The following PTPRT variants were observed in gnomAD, a reference collection of about 807,000 sequenced individuals.
PTPRT encodes protein tyrosine phosphatase receptor type T, also known as receptor-type tyrosine-protein phosphatase T.
A neutral mutation model predicts 176.8 loss-of-function variants in PTPRT; 56 were observed. The ratio of observed to expected loss-of-function variants is 0.32; its 90% CI spans 0.26 to 0.40. The LOEUF is 0.40. Among genes scored for constraint, PTPRT ranks in the 10% least tolerant of loss-of-function variants. The pLI is 1.00. For missense variants in PTPRT, 1,540 were observed against 1,908.2 expected (o/e 0.81, Z 3.60); for synonymous variants, 783 against 739.0 (o/e 1.06, Z -0.96).
At chr20:42,354,020 CT>C (rs963976238) in intron 9 of PTPRT, among the ~76,000 whole-genome samples, 6 of 151,876 alleles carry the variant, frequency 4.0e-5, no homozygotes, top group African/African-American at 1.2e-4. Context: ...TACCACTGCA[CT>C]TTAGCCTGGG....
chr20:42,861,999 T>C (rs1017644836), intron 2 of PTPRT, among the ~76,000 whole-genome samples: 1 of 152,168 alleles, frequency 6.6e-6, no homozygotes, highest in East Asian at 1.9e-4. Flanking sequence ...ATTTATACTT[T>C]TAAATTTTCT....
intron 11 of PTPRT, among the ~76,000 whole-genome samples, chr20:42,337,280 G>A (rs1183222742): frequency 6.6e-6 from 1 of 152,162 alleles, no homozygotes; most frequent in Non-Finnish European, 1.5e-5. Context: ...TCTTAGCAGA[G>A]CTATTGATGA....
rs140838806 is a variant in PTPRT, at chr20:42,543,563, T to C, written c.1154-71001A>G. Among the ~76,000 whole-genome samples, 24 of 152,080 alleles carry C rather than the reference T, an allele frequency of 1.6e-4. 1 individual carries two copies. The South Asian group carries it at 4.0e-3, about 25-fold the overall frequency. ...ATCTGTGAGGGTTAGAATCAACTTC[T>C]CCCACACTCCTGTTATTATTAATAT... On this transcript the variant is annotated intron_variant, in intron 7 of 30. Coordinates refer to ENST00000373187, the MANE Select transcript of PTPRT (RefSeq NM_007050.6).
At chr20:42,270,373 C>T in intron 13 of PTPRT, 2 of 1,482,614 alleles carry the variant, frequency 1.3e-6, no homozygotes, top group Non-Finnish European at 9.2e-7. Flanking sequence ...TCCCCTCCCA[C>T]CCGCCCAGGG....
intron 7 of PTPRT, among the ~76,000 whole-genome samples, chr20:42,567,672 T>C (rs1488045038): frequency 6.6e-6 from 1 of 152,214 alleles, no homozygotes; most frequent in Non-Finnish European, 1.5e-5. Flanking sequence ...CACCTATTTG[T>C]TGTGAACATT....
Position 42,568,785 on chromosome 20 carries a change from C to T in PTPRT, c.1154-96223G>A, listed in dbSNP as rs570826279. 2.6e-5 allele frequency among the ~76,000 whole-genome samples: 4 copies of T among 151,998 alleles called. No individual in the cohort carries two copies. In the South Asian group the frequency reaches 8.3e-4, roughly 32 times the overall value. ...ATTATTTCGGCTAGGCACGGTGGCT[C>T]ATGCCTGTAATCCCAGAACTTTGAG... On this transcript the variant is annotated intron_variant, in intron 7 of 30. Transcript: ENST00000373187.
At chr20:42,974,404 C>T (rs949275212) in intron 1 of PTPRT, among the ~76,000 whole-genome samples, 2 of 152,054 alleles carry the variant, frequency 1.3e-5, no homozygotes, top group Non-Finnish European at 2.9e-5. Context: ...TCAACTTTGT[C>T]ATTATTTTTC....
intron 5 of PTPRT, among the ~76,000 whole-genome samples, chr20:42,757,473 G>T (rs1159145975): frequency 1.3e-5 from 2 of 152,138 alleles, no homozygotes; most frequent in Non-Finnish European, 2.9e-5. Flanking sequence ...CTCTTCCTTG[G>T]CACATGCTCT....
chr20:42,415,788 A>G (rs2059060686), intron 9 of PTPRT, among the ~76,000 whole-genome samples: 1 of 152,206 alleles, frequency 6.6e-6, no homozygotes, highest in African/African-American at 2.4e-5. Flanking sequence ...CATGGGAGTG[A>G]TGCTGTATGA....
rs143800133 is a variant in PTPRT at position 42,381,624 on chromosome 20, T to A, written c.1561-29339A>T. Reference sequence around the variant, plus strand: ...AACCTGACAGATACAGTGCTCAATATATGTTTTAGGGTGAGTGAAAGGAAG... The same window carrying A: ...AACCTGACAGATACAGTGCTCAATAAATGTTTTAGGGTGAGTGAAAGGAAG... On this transcript the variant is annotated intron_variant, in intron 9 of 30. Coordinates refer to ENST00000373187, the MANE Select transcript of PTPRT (RefSeq NM_007050.6). Among the ~76,000 whole-genome samples the A allele has an allele frequency of 7.8e-3, 1,185 of 151,992 alleles. 21 individuals are homozygous for A. The highest frequency in any genetic ancestry group is 0.027 in the African/African-American group (1,137 of 41,432).
At chr20:42,240,950 T>C (rs767850423) in intron 14 of PTPRT, among the ~76,000 whole-genome samples, 1 of 152,348 alleles carries the variant, frequency 6.6e-6, no homozygotes, top group South Asian at 2.1e-4. Context: ...TGTCAGGTAC[T>C]GTTTTAAGTA....
intron 1 of PTPRT, among the ~76,000 whole-genome samples, chr20:43,150,725 G>T (rs2014323385): frequency 6.6e-6 from 1 of 151,956 alleles, no homozygotes; most frequent in South Asian, 2.1e-4. Flanking sequence ...CCAAAGTGCT[G>T]GGATTACAGG....
chr20:42,713,940 G>A (rs1172904680), intron 6 of PTPRT, among the ~76,000 whole-genome samples: 5 of 152,152 alleles, frequency 3.3e-5, no homozygotes, highest in Admixed American at 6.5e-5. Flanking sequence ...ATAGCATTAC[G>A]TTTCCTGTAT....
At chr20:42,289,472 G>A (rs538125253) in intron 12 of PTPRT, among the ~76,000 whole-genome samples, 2 of 151,826 alleles carry the variant, frequency 1.3e-5, no homozygotes, top group East Asian at 3.9e-4. Context: ...AGTGGGCAAA[G>A]GACACAAACA....
Position 42,671,296 on chromosome 20 carries a change from T to C in PTPRT, c.1153+6570A>G, listed in dbSNP as rs571137120. Among the ~76,000 whole-genome samples the C allele has an allele frequency of 2.0e-5, 3 of 152,254 alleles. No homozygotes were observed. The South Asian group carries it at 6.2e-4, about 32-fold the overall frequency. On this transcript the variant is annotated intron_variant, in intron 7 of 30. Transcript: ENST00000373187. ...AACCAAGCTAACACTGGATAGAGGA[T>C]AATAGTCACCACCCGAGATCTCCAG...
At position 43,064,031 on chromosome 20, in the gene PTPRT, C is replaced by T. The variant is rs190232493; in HGVS notation, c.88+125615G>A. Among the ~76,000 whole-genome samples the T allele has an allele frequency of 3.0e-3, 454 of 151,558 alleles. 12 individuals carry two copies. In the East Asian group the frequency reaches 0.034, roughly 11 times the overall value. On this transcript the variant is annotated intron_variant, in intron 1 of 30. Transcript: ENST00000373187. Reference sequence around the variant, plus strand: ...TTTCCATGAGACCCAAACAACTTTTCTTAAAAAAAAAAAAGTTCCCTTCTA... The same window carrying T: ...TTTCCATGAGACCCAAACAACTTTTTTTAAAAAAAAAAAAGTTCCCTTCTA...
chr20:42,414,501 C>T (rs2059047236), intron 9 of PTPRT, among the ~76,000 whole-genome samples: 1 of 152,130 alleles, frequency 6.6e-6, no homozygotes, highest in African/African-American at 2.4e-5. Flanking sequence ...CTTGGTGAAT[C>T]AGCTGAAAAA....
At chr20:42,219,077 T>G (rs2055829001) in intron 15 of PTPRT, among the ~76,000 whole-genome samples, 1 of 152,098 alleles carries the variant, frequency 6.6e-6, no homozygotes, top group African/African-American at 2.4e-5. Context: ...AGCATGAGAT[T>G]AATTAATTAG....
intron 7 of PTPRT, among the ~76,000 whole-genome samples, chr20:42,649,668 G>C (rs1053630360): frequency 6.6e-6 from 1 of 152,140 alleles, no homozygotes; most frequent in Non-Finnish European, 1.5e-5. Flanking sequence ...GGGGAGTATG[G>C]GAAGGTCCTG....
Sources: allele counts gnomAD v4.1 joint callset (sites outside exome capture counted in the v4.1 genomes callset), GRCh38; gene constraint gnomAD v4.1.1; transcripts MANE v1.5; gene names NCBI Gene and HGNC (gene_info 2026-07-23, HGNC 2026-07-21).